PPP1R12B: variants seen among roughly 807,000 people sequenced by gnomAD.
PPP1R12B encodes the protein myosin phosphatase target subunit 2.
Under a neutral mutation model 126.1 loss-of-function variants are expected in PPP1R12B, and 76 were observed. The ratio of observed to expected loss-of-function variants is 0.60; its 90% CI spans 0.50 to 0.73. PPP1R12B has a LOEUF of 0.73. Ranked by LOEUF, PPP1R12B falls within the 30% of genes least tolerant of loss-of-function variation. The pLI is 0.00. For missense variants in PPP1R12B, 1,052 were observed against 1,205.1 expected, an observed-to-expected ratio of 0.87 and a Z score of 1.88; for synonymous variants, 356 against 434.7, an observed-to-expected ratio of 0.82 and a Z score of 2.25.
intron 18 of PPP1R12B, among the ~76,000 whole-genome samples, chr1:202,536,928 CAT>C (rs1197716228): frequency 6.6e-6 from 1 of 152,210 alleles, no homozygotes; most frequent in Non-Finnish European, 1.5e-5. Flanking sequence ...CACTTCCTAT[CAT>C]AACAATGCCT....
intron 23 of PPP1R12B, among the ~76,000 whole-genome samples, chr1:202,580,176 T>C (rs1183235333): frequency 6.6e-6 from 1 of 152,148 alleles, no homozygotes; most frequent in East Asian, 1.9e-4. Flanking sequence ...ACTGATTCAG[T>C]AGAATGAAAG....
chr1:202,446,586 T>A (rs1672326573), intron 12 of PPP1R12B, among the ~76,000 whole-genome samples: 1 of 148,180 alleles, frequency 6.7e-6, no homozygotes, highest in Admixed American at 6.8e-5. Context: ...ATATATAATA[T>A]TATATATTAT....
intron 5 of PPP1R12B, among the ~76,000 whole-genome samples, chr1:202,428,080 T>C (rs1329535300): frequency 6.6e-6 from 1 of 151,706 alleles, no homozygotes; most frequent in African/African-American, 2.4e-5. Context: ...AATCCCAAAC[T>C]CTGTGTTTAA....
chr1:202,532,165 G>A (rs1203992731), intron 18 of PPP1R12B, among the ~76,000 whole-genome samples: 1 of 152,186 alleles, frequency 6.6e-6, no homozygotes, highest in Non-Finnish European at 1.5e-5. Context: ...CATGACATTT[G>A]TAAACTGTCG....
At chr1:202,481,023 C>T (rs1677289548) in intron 13 of PPP1R12B, among the ~76,000 whole-genome samples, 1 of 152,140 alleles carries the variant, frequency 6.6e-6, no homozygotes, top group African/African-American at 2.4e-5. Context: ...AACTGTTCTG[C>T]AGATCATCAG....
chr1:202,421,639 C>G (rs1192905581), intron 2 of PPP1R12B, among the ~76,000 whole-genome samples: 1 of 108,244 alleles, frequency 9.2e-6, no homozygotes, highest in Non-Finnish European at 2.0e-5. Flanking sequence ...GACTCTGTCT[C>G]AAAAAAAAAA....
At position 202,564,549 on chromosome 1, in the gene PPP1R12B, T is replaced by C; in HGVS notation, c.2757+2T>C. ...TCCAAGCTTGAGAAGGTGGCCCAGG[T>C]AAGACGGAAGAAGAAGAAAAAAGAT... On this transcript the variant is annotated splice_donor_variant, in intron 21 of 23. Transcript: ENST00000608999. LOFTEE classifies it high-confidence loss of function. The C allele has an allele frequency of 6.2e-7, 1 of 1,601,412 alleles. No homozygotes were observed. The highest frequency in any genetic ancestry group is 8.5e-7 in the Non-Finnish European group (1 of 1,170,664).
At chr1:202,467,839 A>AACAGTGTAAAAGTGTTCCTATTTCTCC (rs1675252393) in intron 13 of PPP1R12B, among the ~76,000 whole-genome samples, 1 of 152,230 alleles carries the variant, frequency 6.6e-6, no homozygotes, top group Non-Finnish European at 1.5e-5. Flanking sequence ...CAGTCCCACC[A>AACAGTGTAAAAGTGTTCCTATTTCTCC]ACAGTGTAAA....
At chr1:202,567,857 C>T (rs1182116286) in intron 22 of PPP1R12B, 26 bp downstream of exon 22, 1 of 1,610,528 alleles carries the variant, frequency 6.2e-7, no homozygotes, top group African/African-American at 1.3e-5. Context: ...TTTCCCCCTC[C>T]ACCCCATTTC....
chr1:202,434,735 T>C lies in PPP1R12B; in HGVS notation c.1221T>C (p.Ala407=), dbSNP rs374983301. 9 of 1,613,806 alleles carry C rather than the reference T, an allele frequency of 5.6e-6. No individual in the cohort carries two copies. Among genetic ancestry groups the C allele is most frequent in the African/African-American group, 1.3e-5 (1 of 74,932 alleles). ...SSITEQIPAP[A]QNTFSASSAR... The stretch of plus-strand genomic sequence containing the variant: ...TCACAGAGCAGATACCAGCACCAGC[T>C]CAAAATACCTTCTCTGCCTCTTCTG... Residue 407 remains alanine (A), a synonymous_variant, in exon 9 of 24, where the codon GCT becomes GCC. Coordinates refer to ENST00000608999, the MANE Select transcript of PPP1R12B (RefSeq NM_002481.4).
At chr1:202,380,343 C>T (rs992469351) in intron 1 of PPP1R12B, among the ~76,000 whole-genome samples, 1 of 152,102 alleles carries the variant, frequency 6.6e-6, no homozygotes, top group Non-Finnish European at 1.5e-5. Flanking sequence ...AGGCAGAAGA[C>T]TCAGGAGGTG....
intron 23 of PPP1R12B, among the ~76,000 whole-genome samples, chr1:202,577,595 GAAAAATCATCTT>G (rs1209509591): frequency 3.3e-5 from 5 of 151,488 alleles, no homozygotes; most frequent in African/African-American, 1.2e-4. Context: ...TAGTTCCCTG[GAAAAATCATCTT>G]ATCTCAGCAT....
At chr1:202,533,265 A>G (rs891336183) in intron 18 of PPP1R12B, among the ~76,000 whole-genome samples, 3 of 148,756 alleles carry the variant, frequency 2.0e-5, no homozygotes, top group Non-Finnish European at 3.0e-5. Context: ...TCCTTGACTT[A>G]TATGACCTTG....
intron 18 of PPP1R12B, among the ~76,000 whole-genome samples, chr1:202,522,619 T>C (rs1177516444): frequency 6.6e-6 from 1 of 152,132 alleles, no homozygotes; most frequent in African/African-American, 2.4e-5. Flanking sequence ...GTAGTCATAA[T>C]ATAAATTAAT....
intron 23 of PPP1R12B, among the ~76,000 whole-genome samples, chr1:202,573,521 T>C (rs1335230727): frequency 6.6e-6 from 1 of 152,170 alleles, no homozygotes; most frequent in African/African-American, 2.4e-5. Context: ...CCTGGCCACC[T>C]TTTTGTAGTC....
chr1:202,586,394 A>C lies in PPP1R12B; in HGVS notation c.*5834A>C, dbSNP rs1303537417. The C allele has an allele frequency of 6.6e-6, 1 of 152,266 alleles. No individual in the cohort carries two copies. The highest frequency in any genetic ancestry group is 2.4e-5 in the African/African-American group (1 of 41,470). 9.4% of individuals were successfully genotyped at this position (152,266 alleles called of 1,614,324 possible). A position where few individuals can be genotyped will look rare whatever the true frequency, so the allele number is the denominator to read the frequency against. On this transcript the variant is annotated 3_prime_UTR_variant, in exon 24 of 24. Transcript: ENST00000608999. ...ACTGGGAAGGAAGAGAGTTTCACAGAAACAAAGCTTTGTCACACAGAAATG... is the reference window on the plus strand; with the variant it reads ...ACTGGGAAGGAAGAGAGTTTCACAGCAACAAAGCTTTGTCACACAGAAATG...
chr1:202,412,974 G>A (rs1333724782), intron 1 of PPP1R12B, among the ~76,000 whole-genome samples: 1 of 152,026 alleles, frequency 6.6e-6, no homozygotes, highest in African/African-American at 2.4e-5. Context: ...TAAATATGAT[G>A]AATAATTATG....
At chr1:202,539,847 A>C (rs1329646440) in intron 18 of PPP1R12B, 1 of 205,586 alleles carries the variant, frequency 4.9e-6, no homozygotes, top group Non-Finnish European at 9.8e-6. Flanking sequence ...CAATCTAGGC[A>C]TAAAAGGTGT....
intron 17 of PPP1R12B, 62 bp from the exon 18 acceptor site, chr1:202,496,719 T>C (rs1679599162): frequency 2.0e-6 from 3 of 1,471,786 alleles, no homozygotes; most frequent in Non-Finnish European, 2.8e-6. Flanking sequence ...GATCTGACCT[T>C]GTTGCTTTCA....
Sources: gnomAD v4.1 joint callset for allele counts (sites outside exome capture counted in the v4.1 genomes callset) on GRCh38, gnomAD v4.1.1 for gene constraint, MANE v1.5 for transcripts, NCBI Gene and HGNC (gene_info 2026-07-23, HGNC 2026-07-21) for gene names.